Variants in LBP observed in about 807,000 individuals in gnomAD.
LBP encodes lipopolysaccharide binding protein.
A neutral mutation model predicts 56.6 loss-of-function variants in LBP; 53 were observed. That is an observed-to-expected ratio of 0.94 (90% CI 0.75 to 1.18). LBP has a LOEUF of 1.18. Among genes scored for constraint, LBP ranks in the 50% most tolerant of loss-of-function variants. The pLI, the probability that LBP is intolerant of heterozygous loss-of-function variation, is 0.00. For synonymous variants in LBP, 227 were observed against 247.5 expected, an observed-to-expected ratio of 0.92 and a Z score of 0.78; for missense variants, 601 against 598.3, an observed-to-expected ratio of 1.00 and a Z score of -0.05.
Position 38,354,341 on chromosome 20 carries a change from C to T in LBP, c.426C>T (p.Leu142=). 1.9e-6 allele frequency: 3 copies of T among 1,613,848 alleles called. No homozygotes were observed. The highest frequency in any genetic ancestry group is 2.5e-6 in the Non-Finnish European group (3 of 1,179,966). ...SVKGISISVN[L]LLGSESSGRP... ...AGGGCATCAGCATTTCGGTCAACCT[C>T]CTGTTGGGCAGCGAGTCCTCCGGGA... The change falls in exon 4 of 15, where the codon CTC becomes CTT. Residue 142 remains leucine, a synonymous_variant. Transcript: ENST00000217407.
At chr20:38,359,443 G>T (rs1210132792) in intron 5 of LBP, among the ~76,000 whole-genome samples, 1 of 152,044 alleles carries the variant, frequency 6.6e-6, no homozygotes, top group African/African-American at 2.4e-5. Flanking sequence ...TTAGCAGGGT[G>T]TGGTGGCACA....
At chr20:38,347,588 A>AT (rs1055229773) in intron 1 of LBP, among the ~76,000 whole-genome samples, 40 of 151,778 alleles carry the variant, frequency 2.6e-4, no homozygotes, top group African/African-American at 7.0e-4. Context: ...AAGTAGGAGT[A>AT]TTTTTTTTTA....
chr20:38,355,442 G>A, intron 5 of LBP, 33 bp downstream of exon 5: 1 of 1,593,140 alleles, frequency 6.3e-7, no homozygotes, highest in Non-Finnish European at 8.6e-7. Context: ...CCTCCCCCGA[G>A]CTTGGCGAGG....
rs1305526527 is a variant in LBP, at chr20:38,370,883, T to A, written c.1217+78T>A. ...GCTGTAGCTGCTTCTCTGTAGCTGG[T>A]GGGAGGGGGGGCCACCATTTGGAAA... On this transcript the variant is annotated intron_variant, in intron 11 of 14. Coordinates refer to ENST00000217407, the MANE Select transcript of LBP (RefSeq NM_004139.5). 13 of 1,206,684 alleles carry A rather than the reference T, an allele frequency of 1.1e-5. No individual in the cohort carries two copies. In the Middle Eastern group the frequency reaches 6.6e-4, roughly 61 times the overall value. The allele number at this position is 1,206,684 out of a possible 1,614,324, so 74.7% of individuals were successfully genotyped here. A position where few individuals can be genotyped will look rare whatever the true frequency, so the allele number is the denominator to read the frequency against.
chr20:38,348,777 A>AGTTTTGTTTT (rs1491384715), intron 1 of LBP, among the ~76,000 whole-genome samples: 4 of 130,792 alleles, frequency 3.1e-5, no homozygotes, highest in South Asian at 2.4e-4. Context: ...AGTTTAGTTT[A>AGTTTTGTTTT]GTTTAGTTTA....
intron 10 of LBP, among the ~76,000 whole-genome samples, chr20:38,370,193 GCAAGACTC>G (rs1181686672): frequency 6.6e-6 from 1 of 152,078 alleles, no homozygotes; most frequent in East Asian, 1.9e-4. Context: ...GGGCAACACA[GCAAGACTC>G]CATTGCTACA....
At position 38,350,927 on chromosome 20, in the gene LBP, G is replaced by A. The variant is rs372496254; in HGVS notation, c.356G>A (p.Arg119His). Residue 119 changes from arginine to histidine, a missense_variant, in exon 3 of 15, where the codon CGC becomes CAC. By Grantham distance (29) the Arg-to-His change is conservative (BLOSUM62 0). Transcript: ENST00000217407. Reference protein sequence around the residue: ...SIRVQGRWKVRKSFFKLQGSF... With the variant: ...SIRVQGRWKVHKSFFKLQGSF... ...CGGGTCCAGGGCAGGTGGAAGGTGC[G>A]CAAGTCATTCTTGTAAGTTGGCTCT... The A allele has an allele frequency of 1.8e-5, 29 of 1,613,694 alleles. No individual in the cohort carries two copies. The highest frequency in any genetic ancestry group is 8.0e-5 in the African/African-American group (6 of 75,068).
At chr20:38,360,321 T>C (rs935580175) in intron 5 of LBP, among the ~76,000 whole-genome samples, 2 of 152,122 alleles carry the variant, frequency 1.3e-5, no homozygotes, top group Non-Finnish European at 2.9e-5. Context: ...TGTTTATTTC[T>C]AGTTAGTGTC....
intron 3 of LBP, among the ~76,000 whole-genome samples, chr20:38,351,235 T>A (rs1276746489): frequency 6.6e-6 from 1 of 152,182 alleles, no homozygotes; most frequent in African/African-American, 2.4e-5. Context: ...AAGCAGACTT[T>A]AGGGCAAGAA....
At chr20:38,365,703 AAAAAAAAAAAAAAAAT>A (rs2076878269) in intron 8 of LBP, among the ~76,000 whole-genome samples, 1 of 64,640 alleles carries the variant, frequency 1.5e-5, no homozygotes, top group African/African-American at 6.8e-5. Context: ...TCTCAAAAAA[AAAAAAAAAAAAAAAAT>A]ATATATATAT....
At chr20:38,373,863 C>T (rs906502897) in intron 13 of LBP, 74 bp from the exon 14 acceptor site, 9 of 1,320,298 alleles carry the variant, frequency 6.8e-6, no homozygotes, top group Non-Finnish European at 9.8e-6. Flanking sequence ...TTGCAGAGAA[C>T]ATTTTCGGTA....
chr20:38,346,566 T>G lies in LBP; in HGVS notation c.50T>G (p.Leu17Arg), dbSNP rs1265313634. ...ALPSILLALL[L>R]TSTPEALGAN... ...CCGTCCATACTGCTGGCATTGCTGC[T>G]TACGTCCACCCCAGAGGCTCTGGGT... Residue 17 changes from leucine to arginine, a missense_variant, in exon 1 of 15, where the codon CTT (leucine) becomes CGT (arginine). Transcript: ENST00000217407. 1 of 1,613,844 alleles carries G rather than the reference T, an allele frequency of 6.2e-7. No homozygotes were observed. Among genetic ancestry groups the G allele is most frequent in the Admixed American group, 1.7e-5 (1 of 60,030 alleles).
chr20:38,373,040 G>A (rs368199844), intron 12 of LBP, 32 bp from the exon 13 acceptor site: 72 of 1,600,436 alleles, frequency 4.5e-5, no homozygotes, highest in African/African-American at 2.7e-4. Context: ...GCCCTGTGGC[G>A]ATGTAAATAT....
Position 38,366,769 on chromosome 20 carries a change from A to G in LBP, c.922A>G (p.Ile308Val), listed in dbSNP as rs1356879694. 4 of 1,611,510 alleles carry G rather than the reference A, an allele frequency of 2.5e-6. No individual in the cohort carries two copies. The African/African-American group carries it at 4.0e-5, about 16-fold the overall frequency. Residue 308 changes from isoleucine (I) to valine (V), a missense_variant and splice_region_variant, in exon 9 of 15, where the codon ATA becomes GTA. Ile to Val is a conservative substitution (Grantham distance 29, BLOSUM62 3). Transcript: ENST00000217407. Reference sequence around the variant, plus strand: ...ACTTCTTCATGTCTCTTTGCTGCAGATACCGCCTGACTCTAATATCCGACT... The same window carrying G: ...ACTTCTTCATGTCTCTTTGCTGCAGGTACCGCCTGACTCTAATATCCGACT... The part of the protein sequence containing the change: ...YLNFSITDDM[I>V]PPDSNIRLTT...
At chr20:38,361,752 G>A (rs1243455825) in intron 6 of LBP, among the ~76,000 whole-genome samples, 2 of 151,960 alleles carry the variant, frequency 1.3e-5, no homozygotes, top group East Asian at 3.9e-4. Context: ...ATAAAGAAAA[G>A]TGCTCAAATC....
intron 11 of LBP, 40 bp downstream of exon 11, chr20:38,370,845 A>T (rs2076898409): frequency 2.0e-6 from 3 of 1,502,758 alleles, no homozygotes; most frequent in East Asian, 4.5e-5. Context: ...GCCCAGCTGG[A>T]CTCCATCTGT....
At chr20:38,355,055 C>A (rs2076833833) in intron 4 of LBP, among the ~76,000 whole-genome samples, 1 of 152,208 alleles carries the variant, frequency 6.6e-6, no homozygotes, top group Non-Finnish European at 1.5e-5. Flanking sequence ...GCACTCCAGC[C>A]TGGGTGACAA....
At chr20:38,367,025 T>A (rs1281879504) in intron 9 of LBP, among the ~76,000 whole-genome samples, 197 bp downstream of exon 9, 1 of 152,224 alleles carries the variant, frequency 6.6e-6, no homozygotes, top group East Asian at 1.9e-4. Context: ...GGACCACAGC[T>A]TGTCCAATCT....
rs2232597 is a variant in LBP at position 38,360,737 on chromosome 20, G to A, written c.622G>A (p.Asp208Asn). 9,194 of 1,612,916 alleles carry A rather than the reference G, an allele frequency of 5.7e-3. 103 individuals carry two copies. Among genetic ancestry groups the A allele is most frequent in the South Asian group, 0.029 (2,595 of 91,032 alleles). ...AATGATCCAGAAATCAGTGTCCTCC[G>A]ATCTACAGCCTTATCTCCAAACTCT... The part of the protein sequence containing the change: ...CEMIQKSVSS[D>N]LQPYLQTLPV... The change falls in exon 6 of 15, where the codon GAT (aspartate) becomes AAT (asparagine). Residue 208 changes from aspartate (D) to asparagine (N), a missense_variant. Coordinates refer to ENST00000217407, the MANE Select transcript of LBP (RefSeq NM_004139.5).
Sources: gnomAD v4.1 joint callset for allele counts (sites outside exome capture counted in the v4.1 genomes callset) on GRCh38, gnomAD v4.1.1 for gene constraint, MANE v1.5 for transcripts, NCBI Gene and HGNC (gene_info 2026-07-23, HGNC 2026-07-21) for gene names.